The following CSMD3 variants were observed in gnomAD, a reference collection of about 807,000 sequenced individuals.
CSMD3 encodes CUB and sushi domain-containing protein 3.
CSMD3 carries 177 observed loss-of-function variants against 435.2 expected under a neutral mutation model. The observed-to-expected ratio is 0.41, with a 90% CI of 0.36 to 0.46. The LOEUF is 0.46. Ranked by LOEUF, CSMD3 falls within the 20% of genes least tolerant of loss-of-function variation. The pLI, the probability that CSMD3 is intolerant of heterozygous loss-of-function variation, is 0.34. For synonymous variants in CSMD3, 1,656 were observed against 1,520.5 expected, an observed-to-expected ratio of 1.09 and a Z score of -2.07; for missense variants, 4,265 against 4,504.6, an observed-to-expected ratio of 0.95 and a Z score of 1.52.
chr8:112,653,715 A>C (rs1248897908), intron 18 of CSMD3, among the ~76,000 whole-genome samples: 2 of 150,144 alleles, frequency 1.3e-5, no homozygotes, highest in Non-Finnish European at 2.9e-5. Flanking sequence ...GCTGGAGTAC[A>C]ATGGTGTGAT....
chr8:113,261,430 T>C lies in CSMD3; in HGVS notation c.514+17162A>G, dbSNP rs73701349. Among the ~76,000 whole-genome samples the C allele has an allele frequency of 3.4e-3, 514 of 152,258 alleles. 4 individuals carry two copies. The highest frequency in any genetic ancestry group is 0.012 in the African/African-American group (484 of 41,566). ...CTGTGTAAGCCTTGTCATTCTTCCATTGTGACCTCTTTTTAAATGAATTGG... is the reference window on the plus strand; with the variant it reads ...CTGTGTAAGCCTTGTCATTCTTCCACTGTGACCTCTTTTTAAATGAATTGG... On this transcript the variant is annotated intron_variant, in intron 3 of 70. Transcript: ENST00000297405.
At chr8:112,818,757 C>G (rs1360855954) in intron 12 of CSMD3, among the ~76,000 whole-genome samples, 1 of 152,104 alleles carries the variant, frequency 6.6e-6, no homozygotes, top group Non-Finnish European at 1.5e-5. Context: ...AAATCTGTGT[C>G]CCTTCTCCAC....
At chr8:112,881,170 C>T (rs1006534596) in intron 10 of CSMD3, among the ~76,000 whole-genome samples, 1 of 151,850 alleles carries the variant, frequency 6.6e-6, no homozygotes, top group African/African-American at 2.4e-5. Context: ...GGGAGAGAGA[C>T]AAACAGGAAA....
At chr8:113,223,635 A>ATATT (rs1210075971) in intron 3 of CSMD3, among the ~76,000 whole-genome samples, 3 of 148,880 alleles carry the variant, frequency 2.0e-5, no homozygotes, top group South Asian at 2.1e-4. Context: ...ATATATATAT[A>ATATT]TATTTATCTT....
At chr8:112,467,069 G>C (rs970740359) in intron 32 of CSMD3, among the ~76,000 whole-genome samples, 1 of 152,062 alleles carries the variant, frequency 6.6e-6, no homozygotes, top group African/African-American at 2.4e-5. Flanking sequence ...TTTTTAAAAA[G>C]CCTCTCCTAC....
intron 31 of CSMD3, among the ~76,000 whole-genome samples, chr8:112,481,655 C>T (rs917091398): frequency 1.3e-5 from 2 of 152,122 alleles, no homozygotes. Flanking sequence ...TTGAATGTCA[C>T]AAATCATAAA....
intron 4 of CSMD3, among the ~76,000 whole-genome samples, chr8:113,160,221 A>G (rs2092012879): frequency 6.6e-6 from 1 of 151,970 alleles, no homozygotes; most frequent in Non-Finnish European, 1.5e-5. Context: ...TTGTGAAGTC[A>G]TAATTCATAT....
At chr8:112,968,800 T>G (rs1238261048) in intron 7 of CSMD3, among the ~76,000 whole-genome samples, 1 of 152,124 alleles carries the variant, frequency 6.6e-6, no homozygotes, top group Middle Eastern at 3.4e-3. Flanking sequence ...AAAACCCTGA[T>G]AATTGATTAC....
In CSMD3 at chr8:113,225,669, C is replaced by T. The variant is rs565643946; in HGVS notation, c.515-51753G>A. Among the ~76,000 whole-genome samples, 4 of 151,530 alleles carry T rather than the reference C, an allele frequency of 2.6e-5. No homozygotes were observed. In the South Asian group the frequency reaches 8.3e-4, roughly 31 times the overall value. ...GACAAATTTCTTTGAGCGCACTCTG[C>T]CAAGAACAGTTGGTATGAATGTCAG... On this transcript the variant is annotated intron_variant, in intron 3 of 70. Transcript: ENST00000297405.
chr8:113,414,527 A>C (rs1290109643), intron 1 of CSMD3, among the ~76,000 whole-genome samples: 1 of 152,040 alleles, frequency 6.6e-6, no homozygotes, highest in Non-Finnish European at 1.5e-5. Context: ...AGAAAGTACA[A>C]ATAACAGTGG....
chr8:112,450,303 A>G (rs1816111360), intron 32 of CSMD3, among the ~76,000 whole-genome samples: 1 of 152,216 alleles, frequency 6.6e-6, no homozygotes, highest in Non-Finnish European at 1.5e-5. Flanking sequence ...TGAAAAATGC[A>G]CAACTAATTG....
intron 5 of CSMD3, among the ~76,000 whole-genome samples, chr8:113,041,067 G>C (rs139183643): frequency 1.4e-3 from 206 of 151,992 alleles, no homozygotes; most frequent in African/African-American, 4.7e-3. Context: ...TTGGCCACAC[G>C]TGGTGGTGTG....
chr8:113,033,899 G>A (rs2087231307), intron 5 of CSMD3, among the ~76,000 whole-genome samples: 1 of 151,480 alleles, frequency 6.6e-6, no homozygotes, highest in Non-Finnish European at 1.5e-5. Context: ...CCTCCAAGCT[G>A]TTCTCATGAT....
At chr8:112,682,047 T>C (rs964791509) in intron 16 of CSMD3, among the ~76,000 whole-genome samples, 2 of 152,106 alleles carry the variant, frequency 1.3e-5, no homozygotes, top group Non-Finnish European at 2.9e-5. Context: ...TTTATTATAA[T>C]TGATCATTAT....
intron 2 of CSMD3, among the ~76,000 whole-genome samples, chr8:113,302,166 TG>T (rs946209570): frequency 1.3e-5 from 2 of 148,324 alleles, no homozygotes; most frequent in Non-Finnish European, 3.0e-5. Context: ...ATCCTGTTTT[TG>T]ATCTTGAAAC....
At chr8:112,249,597 A>C (rs2130191468) in intron 63 of CSMD3, among the ~76,000 whole-genome samples, 1 of 152,230 alleles carries the variant, frequency 6.6e-6, no homozygotes, top group South Asian at 2.1e-4. Flanking sequence ...GCAACACGAA[A>C]GTTTGACCTT....
At chr8:112,598,202 C>G (rs1831944074) in intron 22 of CSMD3, among the ~76,000 whole-genome samples, 1 of 130,004 alleles carries the variant, frequency 7.7e-6, no homozygotes, top group Non-Finnish European at 1.6e-5. Flanking sequence ...ACAAAAATCA[C>G]AAGCATTCTT....
At chr8:112,682,387 G>A (rs2131784161) in intron 16 of CSMD3, 55 bp downstream of exon 16, 2 of 1,307,064 alleles carry the variant, frequency 1.5e-6, no homozygotes, top group Non-Finnish European at 2.2e-6. Flanking sequence ...TCTTGTTGTG[G>A]TTTCTTGTAC....
chr8:112,265,305 C>A (rs1816831943), intron 60 of CSMD3, 106 bp downstream of exon 60: 3 of 663,702 alleles, frequency 4.5e-6, no homozygotes, highest in Non-Finnish European at 7.0e-6. Context: ...ATAAATGCAA[C>A]CTGGAACTAA....
Sources: gnomAD v4.1 joint callset for allele counts (sites outside exome capture counted in the v4.1 genomes callset) on GRCh38, gnomAD v4.1.1 for gene constraint, MANE v1.5 for transcripts, NCBI Gene and HGNC (gene_info 2026-07-23, HGNC 2026-07-21) for gene names.